The following HEPHL1 variants were observed in gnomAD, a reference collection of about 807,000 sequenced individuals.
HEPHL1 encodes hephaestin like 1.
Under a neutral mutation model 122.0 loss-of-function variants are expected in HEPHL1, and 123 were observed. The observed-to-expected ratio is 1.01, with a 90% CI of 0.87 to 1.17. The LOEUF (loss-of-function observed/expected upper bound fraction) is 1.17. HEPHL1 is among the 50% of genes most tolerant of loss of function. The pLI is 0.00. For synonymous variants in HEPHL1, 527 were observed against 508.9 expected, an observed-to-expected ratio of 1.04 and a Z score of -0.48; for missense variants, 1,452 against 1,430.5, an observed-to-expected ratio of 1.01 and a Z score of -0.24.
At chr11:94,051,136 G>C (rs1489196142) in intron 2 of HEPHL1, among the ~76,000 whole-genome samples, 1 of 151,974 alleles carries the variant, frequency 6.6e-6, no homozygotes, top group Non-Finnish European at 1.5e-5. Context: ...TTTCCTTTTT[G>C]GGGGGTACAT....
At chr11:94,111,455 C>G (rs1946447987) in intron 18 of HEPHL1, 82 bp from the exon 19 acceptor site, 1 of 1,087,546 alleles carries the variant, frequency 9.2e-7, no homozygotes, top group Non-Finnish European at 1.4e-6. Context: ...TAAGTCCTCG[C>G]TGGTGAAATG....
intron 10 of HEPHL1, among the ~76,000 whole-genome samples, chr11:94,084,449 A>G (rs1484207515): frequency 6.6e-6 from 1 of 152,182 alleles, no homozygotes; most frequent in Non-Finnish European, 1.5e-5. Context: ...CAAATGTCAC[A>G]TTAATTATAA....
chr11:94,104,832 T>G (rs1200578906), intron 16 of HEPHL1, 82 bp downstream of exon 16: 1 of 1,064,104 alleles, frequency 9.4e-7, no homozygotes, highest in African/African-American at 1.6e-5. Context: ...CCCAGCATCC[T>G]TCTCTGAGCC....
At chr11:94,055,635 G>T in intron 2 of HEPHL1, 1 of 391,672 alleles carries the variant, frequency 2.6e-6, no homozygotes, top group Non-Finnish European at 5.1e-6. Context: ...GCTCATCATA[G>T]TCCTTTCCAA....
intron 12 of HEPHL1, among the ~76,000 whole-genome samples, chr11:94,089,759 A>AT (rs1312821094): frequency 2.0e-5 from 3 of 152,208 alleles, no homozygotes; most frequent in Admixed American, 6.5e-5. Context: ...CTGTTCTGAT[A>AT]TGCAGATGAG....
chr11:94,095,632 A>T (rs1277415279), intron 13 of HEPHL1, among the ~76,000 whole-genome samples: 1 of 152,102 alleles, frequency 6.6e-6, no homozygotes, highest in Non-Finnish European at 1.5e-5. Flanking sequence ...CATTTTCATG[A>T]TATTGATTCT....
chr11:94,065,361 T>A (rs1946024941), intron 4 of HEPHL1, among the ~76,000 whole-genome samples: 1 of 152,174 alleles, frequency 6.6e-6, no homozygotes. Flanking sequence ...GAAGAGAAAC[T>A]GAGGTCAAGA....
intron 16 of HEPHL1, 35 bp downstream of exon 16, chr11:94,104,785 G>C: frequency 6.8e-7 from 1 of 1,471,752 alleles, no homozygotes; most frequent in Non-Finnish European, 9.4e-7. Flanking sequence ...CCTATGTTGA[G>C]ATAAGCTCAT....
chr11:94,029,329 G>A (rs1399492991), intron 1 of HEPHL1, among the ~76,000 whole-genome samples: 1 of 152,162 alleles, frequency 6.6e-6, no homozygotes, highest in East Asian at 1.9e-4. Flanking sequence ...AGAGGGTCTT[G>A]CAATAATAAT....
chr11:94,101,679 G>A (rs1946368421), intron 14 of HEPHL1, among the ~76,000 whole-genome samples: 2 of 152,138 alleles, frequency 1.3e-5, no homozygotes, highest in African/African-American at 4.8e-5. Context: ...TTTGACAAAT[G>A]CACAACAACA....
intron 12 of HEPHL1, among the ~76,000 whole-genome samples, chr11:94,090,107 T>A (rs1426128031): frequency 6.6e-6 from 1 of 151,686 alleles, no homozygotes; most frequent in African/African-American, 2.4e-5. Flanking sequence ...ACCTTCTGGA[T>A]ACTTTTTTTT....
chr11:94,036,081 T>C (rs1190710420), intron 1 of HEPHL1, among the ~76,000 whole-genome samples: 1 of 152,208 alleles, frequency 6.6e-6, no homozygotes, highest in Non-Finnish European at 1.5e-5. Flanking sequence ...TTTCCTTTTA[T>C]ACCACCACTG....
At chr11:94,108,466 G>A (rs1328409406) in intron 17 of HEPHL1, among the ~76,000 whole-genome samples, 1 of 151,926 alleles carries the variant, frequency 6.6e-6, no homozygotes, top group Non-Finnish European at 1.5e-5. Flanking sequence ...TTGGTGTCAT[G>A]TATAAAAAAT....
chr11:94,025,134 A>G (rs1226490084), intron 1 of HEPHL1, among the ~76,000 whole-genome samples: 1 of 152,174 alleles, frequency 6.6e-6, no homozygotes, highest in East Asian at 1.9e-4. Flanking sequence ...AGATGGTGCA[A>G]ATTAACTTTT....
At chr11:94,064,289 G>A in intron 3 of HEPHL1, 42 bp from the exon 4 acceptor site, 1 of 1,494,562 alleles carries the variant, frequency 6.7e-7, no homozygotes, top group Middle Eastern at 1.9e-4. Context: ...AGCTCATCTT[G>A]ATTTAGTTCT....
chr11:94,087,227 CAA>C (rs1396103654), intron 11 of HEPHL1, among the ~76,000 whole-genome samples: 1 of 151,904 alleles, frequency 6.6e-6, no homozygotes, highest in East Asian at 1.9e-4. Flanking sequence ...TCTTCAAGAC[CAA>C]AGAGAGGAGG....
In HEPHL1 at chr11:94,112,583, C is replaced by T. The variant is rs1014983117; in HGVS notation, c.*689C>T. ...TGTAGAAATACTTGAATGTTTACAACTCACTTCATGTTACATGTTTTTACA... is the reference window on the plus strand; with the variant it reads ...TGTAGAAATACTTGAATGTTTACAATTCACTTCATGTTACATGTTTTTACA... On this transcript the variant is annotated 3_prime_UTR_variant, in exon 20 of 20. Transcript: ENST00000315765. 1.3e-5 allele frequency: 2 copies of T among 152,212 alleles called. No homozygotes were observed. The highest frequency in any genetic ancestry group is 2.1e-4 in the South Asian group (1 of 4,834). The allele number at this position is 152,212 out of a possible 1,614,324, so 9.4% of individuals were successfully genotyped here. A position where few individuals can be genotyped will look rare whatever the true frequency, so the allele number is the denominator to read the frequency against.
chr11:94,093,586 G>T lies in HEPHL1; in HGVS notation c.2380G>T (p.Glu794Ter), dbSNP rs1447760292. 1.9e-6 allele frequency: 3 copies of T among 1,613,696 alleles called. No individual in the cohort carries two copies. The highest frequency in any genetic ancestry group is 1.7e-5 in the Admixed American group (1 of 59,964). ...KVVYREYTDG[E>*]FVEIKARPPR... is the part of the protein sequence containing the mutation. ...GGTTTACAGGGAATATACGGATGGA[G>T]AATTTGTGGAGATCAAAGCCCGACC... The change falls in exon 13 of 20, where the codon GAA becomes TAA. Residue 794 changes from glutamate to a stop codon, truncating the protein, a stop_gained. Transcript: ENST00000315765. LOFTEE classifies it high-confidence loss of function.
Position 94,070,495 on chromosome 11 carries a change from T to C in HEPHL1, c.1185T>C (p.Pro395=). 1 of 1,611,358 alleles carries C rather than the reference T, an allele frequency of 6.2e-7. No individual in the cohort carries two copies. Among genetic ancestry groups the C allele is most frequent in the Non-Finnish European group, 8.5e-7 (1 of 1,178,672 alleles). Residue 395 remains proline (P), a synonymous_variant, in exon 6 of 20, where the codon CCT becomes CCC. Transcript: ENST00000315765. ...AAEKILWDYA[P]QGYNKFSGLP... is the part of the protein sequence containing the mutation. Reference sequence around the variant, plus strand: ...AAAAAATTCTTTGGGATTATGCTCCTCAAGGCTATAACAAATTCAGTGGTC... The same window carrying C: ...AAAAAATTCTTTGGGATTATGCTCCCCAAGGCTATAACAAATTCAGTGGTC...
Sources: gnomAD v4.1 joint callset for allele counts (sites outside exome capture counted in the v4.1 genomes callset) on GRCh38, gnomAD v4.1.1 for gene constraint, MANE v1.5 for transcripts, NCBI Gene and HGNC (gene_info 2026-07-23, HGNC 2026-07-21) for gene names.